SYT9: variants seen among roughly 807,000 people sequenced by gnomAD.
SYT9 encodes synaptotagmin 9, also known as synaptotagmin-9.
SYT9 carries 22 observed loss-of-function variants against 48.4 expected under a neutral mutation model. The observed-to-expected ratio is 0.45, with a 90% confidence interval of 0.32 to 0.65. The LOEUF (loss-of-function observed/expected upper bound fraction) is 0.65. Ranked by LOEUF, SYT9 falls within the 30% of genes least tolerant of loss-of-function variation. SYT9 has a pLI of 0.03. For missense variants in SYT9, 577 were observed against 622.0 expected (o/e 0.93, Z 0.77); for synonymous variants, 265 against 245.0 (o/e 1.08, Z -0.76).
intron 1 of SYT9, among the ~76,000 whole-genome samples, chr11:7,279,454 G>A (rs1848455208): frequency 6.6e-6 from 1 of 152,164 alleles, no homozygotes; most frequent in South Asian, 2.1e-4. Flanking sequence ...GCAGCTTGAT[G>A]GAGCCACATA....
exon 1 of SYT9, chr11:7,238,854 A>C: frequency 4.4e-6 from 2 of 456,042 alleles, no homozygotes; most frequent in South Asian, 3.1e-5. Context: ...AGAAGCCAGT[A>C]ATGCAGAGAA....
chr11:7,401,667 G>A (rs1846895300), intron 3 of SYT9, among the ~76,000 whole-genome samples: 1 of 151,450 alleles, frequency 6.6e-6, no homozygotes, highest in Non-Finnish European at 1.5e-5. Context: ...CAAATTTCTT[G>A]TCATAAAATT....
chr11:7,293,468 G>T (rs1848730132), intron 1 of SYT9, among the ~76,000 whole-genome samples: 2 of 152,168 alleles, frequency 1.3e-5, no homozygotes, highest in Non-Finnish European at 2.9e-5. Flanking sequence ...AGAGCTAAGA[G>T]AGCCACATAC....
At chr11:7,253,157 G>C (rs1847905337) in intron 1 of SYT9, among the ~76,000 whole-genome samples, 1 of 152,230 alleles carries the variant, frequency 6.6e-6, no homozygotes, top group African/African-American at 2.4e-5. Context: ...GGGTCTCCCA[G>C]GTCGTCTCAT....
At chr11:7,438,804 CT>C (rs1390389749) in intron 6 of SYT9, 1 of 152,426 alleles carries the variant, frequency 6.6e-6, no homozygotes, top group Non-Finnish European at 1.5e-5. Context: ...AGCCCCGCCC[CT>C]GTCATCCCAT....
intron 3 of SYT9, among the ~76,000 whole-genome samples, chr11:7,407,117 G>C (rs6578860): frequency 0.45 from 67,954 of 151,966 alleles, 17,624 homozygotes; most frequent in African/African-American, 0.72. Flanking sequence ...CATAGGATGA[G>C]TAGTTTGCAA....
At chr11:7,319,120 A>G (rs1849291467) in intron 3 of SYT9, among the ~76,000 whole-genome samples, 1 of 149,716 alleles carries the variant, frequency 6.7e-6, no homozygotes, top group Non-Finnish European at 1.5e-5. Flanking sequence ...TCAGACAATG[A>G]GAAAGGGAGG....
At chr11:7,461,665 G>A (rs1360046767) in intron 6 of SYT9, among the ~76,000 whole-genome samples, 4 of 152,174 alleles carry the variant, frequency 2.6e-5, no homozygotes, top group Non-Finnish European at 4.4e-5. Flanking sequence ...GAGCCACAGC[G>A]CTGAGCATAA....
At chr11:7,442,569 T>G (rs1847847787) in intron 6 of SYT9, among the ~76,000 whole-genome samples, 1 of 152,168 alleles carries the variant, frequency 6.6e-6, no homozygotes, top group Admixed American at 6.5e-5. Context: ...GGGCACCCAC[T>G]TCTGCAGCTC....
intron 3 of SYT9, among the ~76,000 whole-genome samples, chr11:7,353,770 G>C (rs1849964042): frequency 6.6e-6 from 1 of 152,304 alleles, no homozygotes; most frequent in South Asian, 2.1e-4. Flanking sequence ...GGTCCGGACT[G>C]ATTCACTGCA....
chr11:7,423,198 C>T (rs1245758273), intron 6 of SYT9, among the ~76,000 whole-genome samples: 1 of 152,176 alleles, frequency 6.6e-6, no homozygotes, highest in African/African-American at 2.4e-5. Flanking sequence ...TTCCCCGTTG[C>T]TTCCTGTCTC....
chr11:7,338,816 T>C (rs1369555452), intron 3 of SYT9, among the ~76,000 whole-genome samples: 1 of 152,156 alleles, frequency 6.6e-6, no homozygotes, highest in Non-Finnish European at 1.5e-5. Flanking sequence ...AGAATATATA[T>C]TCTGTTTTTG....
In SYT9 at chr11:7,468,110, C is replaced by T. The variant is rs1467354414; in HGVS notation, c.*1310C>T. ...GCAAGGCACCCCATCCACACATTTG[C>T]ACCACTACTCCAAGATAGTATTTTT... On this transcript the variant is annotated 3_prime_UTR_variant, in exon 7 of 7. Coordinates refer to ENST00000318881, the MANE Select transcript of SYT9 (RefSeq NM_175733.4). The T allele has an allele frequency of 5.1e-6, 2 of 394,462 alleles. No individual in the cohort carries two copies. Among genetic ancestry groups the T allele is most frequent in the South Asian group, 1.4e-4 (1 of 7,038 alleles). The allele number at this position is 394,462 out of a possible 1,614,324, so 24.4% of individuals were successfully genotyped here. A position where few individuals can be genotyped will look rare whatever the true frequency, so the allele number is the denominator to read the frequency against.
At chr11:7,454,000 G>A in intron 6 of SYT9, 6 of 985,408 alleles carry the variant, frequency 6.1e-6, no homozygotes, top group Non-Finnish European at 7.2e-6. Flanking sequence ...TTGTTTGACA[G>A]GCCAGAGGCT....
chr11:7,317,176 C>T (rs1368787291), intron 3 of SYT9, among the ~76,000 whole-genome samples: 1 of 152,154 alleles, frequency 6.6e-6, no homozygotes, highest in Admixed American at 6.5e-5. Flanking sequence ...TACTTCCTTA[C>T]CCTATGTCAG....
At chr11:7,358,177 G>A (rs890661905) in intron 3 of SYT9, among the ~76,000 whole-genome samples, 17 of 152,100 alleles carry the variant, frequency 1.1e-4, no homozygotes, top group Admixed American at 2.6e-4. Flanking sequence ...TTATAGAGGG[G>A]TCATAATAAT....
At chr11:7,312,314 A>T (rs574918270) in intron 2 of SYT9, among the ~76,000 whole-genome samples, 135 of 152,268 alleles carry the variant, frequency 8.9e-4, no homozygotes, top group African/African-American at 3.1e-3. Flanking sequence ...GGCAAATTCA[A>T]ATGTTTACTC....
Position 7,323,882 on chromosome 11 carries a change from CTG to C in SYT9, c.1044+9944_1044+9945del, listed in dbSNP as rs1490773041. 4.1e-5 allele frequency among the ~76,000 whole-genome samples: 5 copies of C among 120,494 alleles called. No individual in the cohort carries two copies. In the Admixed American group the frequency reaches 4.2e-4, roughly 10 times the overall value. 79.0% of individuals were successfully genotyped at this position (120,494 alleles called of 152,430 possible). Reference sequence around the variant, plus strand: ...GACTAAACTTGTGAGTGAGATCAAACTGTGATTTTTTTTTCTCTCTTAATCTG... The same window carrying C: ...GACTAAACTTGTGAGTGAGATCAAACTGATTTTTTTTTCTCTCTTAATCTG... On this transcript the variant is annotated intron_variant, in intron 3 of 6. Transcript: ENST00000318881.
chr11:7,243,771 T>A lies in SYT9; in HGVS notation c.49+4855T>A, dbSNP rs186447234. Among the ~76,000 whole-genome samples, 310 of 152,258 alleles carry A rather than the reference T, an allele frequency of 2.0e-3. 3 individuals are homozygous for A. Among genetic ancestry groups the A allele is most frequent in the Non-Finnish European group, 3.1e-3 (210 of 68,012 alleles). ...ATTGGAATTCTTTTTTCTGGCATCT[T>A]TTTGGCTAGTTGGATAGTCTACAAC... On this transcript the variant is annotated intron_variant and NMD_transcript_variant, in intron 1 of 8. Transcript: ENST00000524820.
Sources: gnomAD v4.1 joint callset for allele counts (sites outside exome capture counted in the v4.1 genomes callset) on GRCh38, gnomAD v4.1.1 for gene constraint, MANE v1.5 for transcripts, NCBI Gene and HGNC (gene_info 2026-07-23, HGNC 2026-07-21) for gene names.